SMG6: variants seen among roughly 807,000 people sequenced by gnomAD.
The protein encoded by SMG6 is SMG6 nonsense mediated mRNA decay factor.
SMG6 carries 66 observed loss-of-function variants against 142.2 expected under a neutral mutation model. The ratio of observed to expected loss-of-function variants is 0.46; its 90% CI spans 0.38 to 0.57. SMG6 has a LOEUF of 0.57. Ranked by LOEUF, SMG6 falls within the 20% of genes least tolerant of loss-of-function variation. SMG6 has a pLI of 0.00. For missense variants in SMG6, 1,793 were observed against 1,832.0 expected (o/e 0.98, Z 0.39); for synonymous variants, 779 against 702.4 (o/e 1.11, Z -1.72).
intron 13 of SMG6, among the ~76,000 whole-genome samples, chr17:2,122,869 A>T (rs2069747219): frequency 6.6e-6 from 1 of 152,212 alleles, no homozygotes; most frequent in Non-Finnish European, 1.5e-5. Context: ...GAAACTCCAC[A>T]ACAGGAGACT....
chr17:2,275,607 T>C (rs1044310521), intron 8 of SMG6, among the ~76,000 whole-genome samples: 2 of 152,146 alleles, frequency 1.3e-5, no homozygotes, highest in South Asian at 2.1e-4. Context: ...AGTGTGAAAA[T>C]GATTTCTGAT....
Position 2,297,270 on chromosome 17 carries a change from G to A in SMG6, c.2124C>T (p.Ala708=). ...FKLEDYMDGL[A]IRSKPLRKTV... Reference sequence around the variant, plus strand: ...TCTTGCGTAATGGCTTGCTGCGAATGGCAAGACCATCCATGTAGTCTTCCA... The same window carrying A: ...TCTTGCGTAATGGCTTGCTGCGAATAGCAAGACCATCCATGTAGTCTTCCA... The change falls in exon 4 of 19, where the codon GCC becomes GCT. Residue 708 remains alanine, a synonymous_variant. Transcript: ENST00000263073. The A allele has an allele frequency of 6.2e-7, 1 of 1,610,522 alleles. No homozygotes were observed. Among genetic ancestry groups the A allele is most frequent in the Non-Finnish European group, 8.5e-7 (1 of 1,178,712 alleles).
At chr17:2,238,353 A>G (rs1246571671) in intron 9 of SMG6, among the ~76,000 whole-genome samples, 3 of 152,150 alleles carry the variant, frequency 2.0e-5, no homozygotes, top group African/African-American at 4.8e-5. Flanking sequence ...AAACAAAACA[A>G]AACTCTTTTT....
chr17:2,154,466 C>G (rs191820205), intron 13 of SMG6, among the ~76,000 whole-genome samples: 307 of 152,178 alleles, frequency 2.0e-3, no homozygotes, highest in Non-Finnish European at 3.7e-3. Flanking sequence ...AATTTTATGC[C>G]CTTTGTCCTT....
At chr17:2,301,357 C>A (rs1241901135) in intron 1 of SMG6, among the ~76,000 whole-genome samples, 1 of 152,148 alleles carries the variant, frequency 6.6e-6, no homozygotes, top group Non-Finnish European at 1.5e-5. Flanking sequence ...CTAACAGTAG[C>A]TCACAGAGTT....
intron 10 of SMG6, among the ~76,000 whole-genome samples, chr17:2,198,950 TAAAAAA>T (rs55660022): frequency 1.1e-3 from 114 of 102,128 alleles, no homozygotes; most frequent in African/African-American, 3.9e-3. Context: ...AAAATAAAAT[TAAAAAA>T]AAAAAAAAAA....
At chr17:2,274,727 AC>A (rs1293033492) in intron 8 of SMG6, among the ~76,000 whole-genome samples, 2 of 152,218 alleles carry the variant, frequency 1.3e-5, no homozygotes, top group Non-Finnish European at 2.9e-5. Context: ...TACAATCAGC[AC>A]CAAGCATGTT....
chr17:2,296,311 T>C (rs2151405815), intron 4 of SMG6, among the ~76,000 whole-genome samples: 1 of 152,310 alleles, frequency 6.6e-6, no homozygotes, highest in Non-Finnish European at 1.5e-5. Flanking sequence ...CTGGACCCTC[T>C]ATCTAAACTG....
chr17:2,280,548 C>A, intron 8 of SMG6: 1 of 978,860 alleles, frequency 1.0e-6, no homozygotes. Flanking sequence ...CAGGCGTAAG[C>A]CACCGCGTCA....
At chr17:2,146,226 T>C (rs902503221) in intron 13 of SMG6, among the ~76,000 whole-genome samples, 7 of 152,330 alleles carry the variant, frequency 4.6e-5, no homozygotes, top group Admixed American at 2.6e-4. Flanking sequence ...TAAATATTTG[T>C]TAGATTACAT....
chr17:2,169,830 A>G (rs1011529424), intron 13 of SMG6, among the ~76,000 whole-genome samples: 6 of 152,160 alleles, frequency 3.9e-5, no homozygotes, highest in East Asian at 3.8e-4. Flanking sequence ...TCTCACTGAT[A>G]TTTTAAAAAT....
rs1346292540 is a variant in SMG6 at position 2,188,527 on chromosome 17, C to A, written c.2870-12G>T. On this transcript the variant is annotated splice_polypyrimidine_tract_variant and intron_variant, in intron 10 of 18. Coordinates refer to ENST00000263073, the MANE Select transcript of SMG6 (RefSeq NM_017575.5). ...CTCCGAGAAGCAGTCTGCGGACAGG[C>A]AAATGAAACTCTCAGCGCCCCAGGC... is the stretch of plus-strand genomic sequence containing the variant. 1 of 1,610,638 alleles carries A rather than the reference C, an allele frequency of 6.2e-7. No homozygotes were observed. Among genetic ancestry groups the A allele is most frequent in the South Asian group, 1.1e-5 (1 of 90,992 alleles).
chr17:2,257,275 G>A (rs535133839), intron 8 of SMG6, among the ~76,000 whole-genome samples: 5 of 151,998 alleles, frequency 3.3e-5, no homozygotes, highest in East Asian at 1.9e-4. Flanking sequence ...CAGCAGAGAC[G>A]GGATTTCACC....
intron 13 of SMG6, chr17:2,088,134 AAACCTGCC>A (rs1479802671): frequency 4.1e-6 from 4 of 985,316 alleles, no homozygotes; most frequent in Non-Finnish European, 4.8e-6. Context: ...TGTGCAGAGG[AAACCTGCC>A]CAGGACAGGA....
chr17:2,300,008 T>C lies in SMG6; in HGVS notation c.745A>G (p.Lys249Glu). The C allele has an allele frequency of 2.5e-6, 4 of 1,614,206 alleles. No individual in the cohort carries two copies. The highest frequency in any genetic ancestry group is 1.7e-5 in the Admixed American group (1 of 60,034). ...CGCGTGCGGTAGCGATTCCTTCGTT[T>C]GTCTGAGCGGGAGTAGCGCTTTGCG... ...GSAKRYSRSD[K>E]RRNRYRTRST... is the part of the protein sequence containing the mutation. The change falls in exon 2 of 19, where the codon AAA becomes GAA. Residue 249 changes from lysine (K) to glutamate (E), a missense_variant. Coordinates refer to ENST00000263073, the MANE Select transcript of SMG6 (RefSeq NM_017575.5).
intron 10 of SMG6, among the ~76,000 whole-genome samples, chr17:2,230,711 G>A (rs778893052): frequency 2.6e-5 from 4 of 152,148 alleles, no homozygotes; most frequent in East Asian, 1.9e-4. Context: ...TGCACTAAGC[G>A]GCCTGTCAAG....
At chr17:2,290,089 A>C (rs2074998766) in intron 6 of SMG6, among the ~76,000 whole-genome samples, 2 of 152,100 alleles carry the variant, frequency 1.3e-5, no homozygotes, top group Admixed American at 6.6e-5. Flanking sequence ...ATGAGTTATC[A>C]CTTAATACTC....
At chr17:2,080,136 T>C (rs1473980360) in intron 15 of SMG6, among the ~76,000 whole-genome samples, 2 of 144,810 alleles carry the variant, frequency 1.4e-5, no homozygotes, top group Non-Finnish European at 3.0e-5. Context: ...ATGATGGATC[T>C]TGGCCAGTGT....
rs1313075731 is a variant in SMG6 at position 2,303,774 on chromosome 17, G to A, written c.-54C>T. On this transcript the variant is annotated 5_prime_UTR_variant, in exon 1 of 19. Coordinates refer to ENST00000263073, the MANE Select transcript of SMG6 (RefSeq NM_017575.5). ...GCTCCGCCACCGCCGCGCGCAGCCA[G>A]GAAACCACCACAGACGGGCGGCGCG... is the stretch of plus-strand genomic sequence containing the variant. 6 of 1,435,406 alleles carry A rather than the reference G, an allele frequency of 4.2e-6. No homozygotes were observed. Among genetic ancestry groups the A allele is most frequent in the Non-Finnish European group, 5.5e-6 (6 of 1,081,478 alleles). The allele number at this position is 1,435,406 out of a possible 1,614,324, so 88.9% of individuals were successfully genotyped here. A position where few individuals can be genotyped will look rare whatever the true frequency, so the allele number is the denominator to read the frequency against.
Sources: allele counts gnomAD v4.1 joint callset (sites outside exome capture counted in the v4.1 genomes callset), GRCh38; gene constraint gnomAD v4.1.1; transcripts MANE v1.5; gene names NCBI Gene and HGNC (gene_info 2026-07-23, HGNC 2026-07-21).